The following KCNH1 variants were observed in gnomAD, a reference collection of about 807,000 sequenced individuals.
The protein encoded by KCNH1 is potassium voltage-gated channel subfamily H member 1.
Under a neutral mutation model 69.2 loss-of-function variants are expected in KCNH1, and 27 were observed. The observed-to-expected ratio is 0.39, with a 90% CI of 0.29 to 0.54. KCNH1 has a LOEUF of 0.54. Among genes scored for constraint, KCNH1 ranks in the 20% least tolerant of loss-of-function variants. The pLI is 0.68. For missense variants in KCNH1, 798 were observed against 1,261.6 expected, an observed-to-expected ratio of 0.63 and a Z score of 5.57; for synonymous variants, 456 against 487.7, an observed-to-expected ratio of 0.93 and a Z score of 0.86.
At chr1:210,920,108 A>G in intron 6 of KCNH1, 39 bp from the exon 7 acceptor site, 1 of 1,581,388 alleles carries the variant, frequency 6.3e-7, no homozygotes, top group Non-Finnish European at 8.6e-7. Flanking sequence ...CCAAAGAACC[A>G]AAGATACTAC....
At chr1:210,831,679 C>T (rs1170101018) in intron 7 of KCNH1, among the ~76,000 whole-genome samples, 1 of 152,178 alleles carries the variant, frequency 6.6e-6, no homozygotes, top group Non-Finnish European at 1.5e-5. Flanking sequence ...TATTTCCCCT[C>T]TTAGACAGCC....
chr1:210,846,909 AG>A (rs1286626141), intron 7 of KCNH1, among the ~76,000 whole-genome samples: 1 of 152,230 alleles, frequency 6.6e-6, no homozygotes. Context: ...CCCATCAAAA[AG>A]TGGGCGAAGG....
rs747498526 is a variant in KCNH1, at chr1:211,050,260, T to TAAAAAAAAAAAAAAAAAAAAA, written c.559-31025_559-31005dup. 1.5e-3 allele frequency among the ~76,000 whole-genome samples: 86 copies of TAAAAAAAAAAAAAAAAAAAAA among 58,570 alleles called. 21 individuals are homozygous for TAAAAAAAAAAAAAAAAAAAAA. The highest frequency in any genetic ancestry group is 1.9e-3 in the Non-Finnish European group (61 of 32,568). The allele number at this position is 58,570 out of a possible 152,430, so 38.4% of individuals were successfully genotyped here. A position where few individuals can be genotyped will look rare whatever the true frequency, so the allele number is the denominator to read the frequency against. On this transcript the variant is annotated intron_variant, in intron 5 of 10. Coordinates refer to ENST00000271751, the MANE Select transcript of KCNH1 (RefSeq NM_172362.3). ...AGGACAAACTCAGCCCACACATTCT[T>TAAAAAAAAAAAAAAAAAAAAA]AAAAAAAAAAAAAAAAAAAAAAAAA...
chr1:211,021,446 A>G (rs890044885), intron 5 of KCNH1, among the ~76,000 whole-genome samples: 12 of 152,170 alleles, frequency 7.9e-5, no homozygotes, highest in African/African-American at 2.9e-4. Context: ...CTGTTATTCA[A>G]CATAGCACTG....
chr1:210,996,527 T>A (rs1045316159), intron 6 of KCNH1, among the ~76,000 whole-genome samples: 1 of 152,258 alleles, frequency 6.6e-6, no homozygotes, highest in African/African-American at 2.4e-5. Context: ...CAAGGAGGCC[T>A]GCCTGCCTCT....
intron 6 of KCNH1, among the ~76,000 whole-genome samples, chr1:210,959,076 G>C (rs1271175907): frequency 3.3e-5 from 5 of 152,156 alleles, no homozygotes; most frequent in Non-Finnish European, 7.3e-5. Context: ...TCTGATGTTG[G>C]TGACCAATAA....
At chr1:210,719,050 C>T (rs1481027447) in intron 10 of KCNH1, among the ~76,000 whole-genome samples, 1 of 152,198 alleles carries the variant, frequency 6.6e-6, no homozygotes, top group African/African-American at 2.4e-5. Context: ...CCCACAACTG[C>T]ATTGTCCAGT....
chr1:211,053,497 A>G (rs1460945283), intron 5 of KCNH1, among the ~76,000 whole-genome samples: 1 of 152,238 alleles, frequency 6.6e-6, no homozygotes, highest in Non-Finnish European at 1.5e-5. Flanking sequence ...ATGGAGAAAC[A>G]CAAAACAGAA....
In KCNH1 at chr1:210,731,541, AGCCAGGAAGGAGAGGAACTCAAGG is replaced by A. The variant is rs1682746387; in HGVS notation, c.2112+43783_2112+43806del. Among the ~76,000 whole-genome samples the A allele has an allele frequency of 2.0e-5, 3 of 151,622 alleles. No individual in the cohort carries two copies. In the South Asian group the frequency reaches 6.2e-4, roughly 31 times the overall value. Reference sequence around the variant, plus strand: ...AAAGTAGACAGGGGAGTGTAATGGAAGCCAGGAAGGAGAGGAACTCAAGGGCTTATTTCCAGTTACTGGGGAAAT... The same window carrying A: ...AAAGTAGACAGGGGAGTGTAATGGAAGCTTATTTCCAGTTACTGGGGAAAT... On this transcript the variant is annotated intron_variant, in intron 10 of 10. Coordinates refer to ENST00000271751, the MANE Select transcript of KCNH1 (RefSeq NM_172362.3).
At chr1:211,105,047 A>G (rs1373777400) in intron 2 of KCNH1, among the ~76,000 whole-genome samples, 1 of 152,170 alleles carries the variant, frequency 6.6e-6, no homozygotes, top group Admixed American at 6.5e-5. Flanking sequence ...ATTCCGTATC[A>G]CAGTTGTTAT....
intron 9 of KCNH1, among the ~76,000 whole-genome samples, chr1:210,775,943 T>C (rs1683850533): frequency 6.6e-6 from 1 of 152,254 alleles, no homozygotes; most frequent in Admixed American, 6.5e-5. Flanking sequence ...TGATAGCTCA[T>C]GTGTCTTATT....
At chr1:211,081,242 GA>G (rs1287263718) in intron 5 of KCNH1, among the ~76,000 whole-genome samples, 1 of 152,224 alleles carries the variant, frequency 6.6e-6, no homozygotes, top group African/African-American at 2.4e-5. Flanking sequence ...GGTCATTAGA[GA>G]AATGCAAATC....
chr1:210,879,493 A>C (rs1191178121), intron 7 of KCNH1, among the ~76,000 whole-genome samples: 1 of 152,088 alleles, frequency 6.6e-6, no homozygotes, highest in Non-Finnish European at 1.5e-5. Flanking sequence ...TCAACAAGCT[A>C]AAAATGAAAA....
intron 7 of KCNH1, among the ~76,000 whole-genome samples, chr1:210,828,223 T>C (rs1685074439): frequency 6.6e-6 from 1 of 152,148 alleles, no homozygotes; most frequent in Admixed American, 6.5e-5. Flanking sequence ...GAAATGTTCA[T>C]GACGATGGGA....
intron 6 of KCNH1, among the ~76,000 whole-genome samples, chr1:211,011,722 A>G (rs896878627): frequency 6.6e-6 from 1 of 152,060 alleles, no homozygotes; most frequent in Non-Finnish European, 1.5e-5. Flanking sequence ...GCCACTCCCC[A>G]GCTCCCACAC....
chr1:211,123,668 G>A (rs1021746564), intron 1 of KCNH1, among the ~76,000 whole-genome samples: 3 of 152,118 alleles, frequency 2.0e-5, no homozygotes, highest in South Asian at 2.1e-4. Flanking sequence ...AGGAGAGAGC[G>A]AGGGAATGAA....
At chr1:211,019,381 G>C (rs977398552) in intron 5 of KCNH1, 125 bp from the exon 6 acceptor site, 6 of 616,460 alleles carry the variant, frequency 9.7e-6, no homozygotes, top group Non-Finnish European at 1.7e-5. Flanking sequence ...TACAATAACA[G>C]GTATGAAAGA....
chr1:211,068,364 A>T (rs1558590410), intron 5 of KCNH1, among the ~76,000 whole-genome samples: 1 of 152,198 alleles, frequency 6.6e-6, no homozygotes, highest in Non-Finnish European at 1.5e-5. Flanking sequence ...TTCTAATAAC[A>T]AAGTAAAAAG....
chr1:210,780,451 A>C (rs1214290122), intron 9 of KCNH1, among the ~76,000 whole-genome samples: 2 of 152,196 alleles, frequency 1.3e-5, no homozygotes, highest in African/African-American at 4.8e-5. Flanking sequence ...TCAGTCATTC[A>C]TGCAACTTTT....
Sources: gnomAD v4.1 joint callset for allele counts (sites outside exome capture counted in the v4.1 genomes callset) on GRCh38, gnomAD v4.1.1 for gene constraint, MANE v1.5 for transcripts, NCBI Gene and HGNC (gene_info 2026-07-23, HGNC 2026-07-21) for gene names.